MTHFD1L: variants seen among roughly 807,000 people sequenced by gnomAD.
MTHFD1L encodes the protein methylenetetrahydrofolate dehydrogenase (NADP+ dependent) 1 like, also known as monofunctional C1-tetrahydrofolate synthase, mitochondrial.
A neutral mutation model predicts 119.5 loss-of-function variants in MTHFD1L; 81 were observed. That is an observed-to-expected ratio of 0.68 (90% CI 0.57 to 0.82). MTHFD1L has a LOEUF of 0.82. Ranked by LOEUF, MTHFD1L falls within the 40% of genes least tolerant of loss-of-function variation. The probability of loss-of-function intolerance (pLI) is 0.00; values close to 1 mark genes in which losing one functional copy is unlikely to be tolerated. For synonymous variants in MTHFD1L, 430 were observed against 475.2 expected (o/e 0.90, Z 1.24); for missense variants, 1,125 against 1,253.4 (o/e 0.90, Z 1.55).
chr6:150,907,107 G>A (rs986064404), intron 8 of MTHFD1L, among the ~76,000 whole-genome samples: 3 of 149,818 alleles, frequency 2.0e-5, no homozygotes, highest in Non-Finnish European at 4.4e-5. Flanking sequence ...TCCAACATTT[G>A]TTTCTTGTAA....
At chr6:151,087,248 CAAAA>C (rs1433835796) in intron 26 of MTHFD1L, among the ~76,000 whole-genome samples, 1 of 123,142 alleles carries the variant, frequency 8.1e-6, no homozygotes, top group Admixed American at 8.7e-5. Flanking sequence ...GAGGCCATCT[CAAAA>C]ATAAATAAAT....
chr6:150,987,927 G>A (rs539859112), intron 20 of MTHFD1L, among the ~76,000 whole-genome samples: 5 of 152,148 alleles, frequency 3.3e-5, no homozygotes, highest in South Asian at 2.1e-4. Context: ...AAGGTAAAAC[G>A]TTTTGGAAGG....
chr6:151,020,505 C>G (rs1424919807), intron 24 of MTHFD1L, among the ~76,000 whole-genome samples: 1 of 151,936 alleles, frequency 6.6e-6, no homozygotes, highest in Non-Finnish European at 1.5e-5. Flanking sequence ...TCTCTTTTTG[C>G]CAGAGTAACT....
Position 150,944,566 on chromosome 6 carries a change from T to G in MTHFD1L, c.1521T>G (p.Ile507Met). 1 of 1,613,994 alleles carries G rather than the reference T, an allele frequency of 6.2e-7. No individual in the cohort carries two copies. Among genetic ancestry groups the G allele is most frequent in the Non-Finnish European group, 8.5e-7 (1 of 1,179,970 alleles). The part of the protein sequence containing the change: ...NLLAAAIDTR[I>M]LHENTQTDKA... ...TGGCTGCCGCCATCGACACGAGGAT[T>G]CTTCATGAAAACACGCAAACAGATA... The change falls in exon 14 of 28, where the codon ATT becomes ATG. Residue 507 changes from isoleucine to methionine, a missense_variant. By Grantham distance (10) the Ile-to-Met change is conservative (BLOSUM62 1). Around this residue, in one of 3 missense-constraint regions of MTHFD1L, gnomAD observed 1,058 missense variants for 1,151.2 expected, o/e 0.92. Transcript: ENST00000367321.
At chr6:150,887,416 T>TA (rs1259126271) in intron 6 of MTHFD1L, among the ~76,000 whole-genome samples, 2 of 152,188 alleles carry the variant, frequency 1.3e-5, no homozygotes, top group African/African-American at 4.8e-5. Context: ...TCCTAGTTCC[T>TA]AGTCATTGTA....
At chr6:150,914,939 AT>A (rs1787600475) in intron 8 of MTHFD1L, among the ~76,000 whole-genome samples, 1 of 152,070 alleles carries the variant, frequency 6.6e-6, no homozygotes, top group East Asian at 1.9e-4. Context: ...CTCAAATGTC[AT>A]TCATGGTACC....
In MTHFD1L at chr6:150,877,595, G is replaced by T. The variant is rs201552244; in HGVS notation, c.313-39G>T. 8.7e-6 allele frequency: 14 copies of T among 1,608,302 alleles called. No homozygotes were observed. In the African/African-American group the frequency reaches 1.6e-4, roughly 18 times the overall value. ...TGGATTATCTTTTGTGCCTTTTCAA[G>T]CTATTTTTATGTTGTTATGTTGTTT... On this transcript the variant is annotated intron_variant, in intron 2 of 27. Coordinates refer to ENST00000367321, the MANE Select transcript of MTHFD1L (RefSeq NM_015440.5).
intron 21 of MTHFD1L, 56 bp from the exon 22 acceptor site, chr6:151,013,723 C>T (rs1278971569): frequency 2.0e-5 from 28 of 1,430,168 alleles, no homozygotes; most frequent in Admixed American, 5.2e-5. Context: ...TCTTTCAGAT[C>T]GGTTGTGTAA....
chr6:150,893,576 C>T (rs976220672), intron 7 of MTHFD1L, among the ~76,000 whole-genome samples: 2 of 152,174 alleles, frequency 1.3e-5, no homozygotes, highest in African/African-American at 2.4e-5. Context: ...ACAAGACCCC[C>T]CCATCCCCTC....
At chr6:150,935,252 A>G (rs891723678) in intron 11 of MTHFD1L, 90 of 1,611,840 alleles carry the variant, frequency 5.6e-5, no homozygotes, top group Non-Finnish European at 1.0e-5. Flanking sequence ...CACAGATGGC[A>G]TTGTATTTGT....
Position 150,969,747 on chromosome 6 carries a change from C to T in MTHFD1L, c.2014-2200C>T, listed in dbSNP as rs562203914. The stretch of plus-strand genomic sequence containing the variant: ...TTTGTAGGAAGCAAACAAAGCTTTC[C>T]ATAGAGAAACCACTTCCACCAGATG... On this transcript the variant is annotated intron_variant, in intron 19 of 27. Transcript: ENST00000367321. 5.3e-5 allele frequency among the ~76,000 whole-genome samples: 8 copies of T among 152,250 alleles called. No individual in the cohort carries two copies. In the South Asian group the frequency reaches 1.0e-3, roughly 20 times the overall value.
At chr6:150,930,462 A>C (rs1790846966) in intron 11 of MTHFD1L, among the ~76,000 whole-genome samples, 1 of 152,158 alleles carries the variant, frequency 6.6e-6, no homozygotes, top group African/African-American at 2.4e-5. Context: ...TTTTTCTAAA[A>C]GTCTTTTCTA....
chr6:150,930,137 G>C (rs1441741440), intron 11 of MTHFD1L, among the ~76,000 whole-genome samples: 1 of 150,230 alleles, frequency 6.7e-6, no homozygotes, highest in Admixed American at 6.7e-5. Context: ...TGGCATGACG[G>C]GTTGTGCCTA....
intron 7 of MTHFD1L, among the ~76,000 whole-genome samples, chr6:150,896,819 G>C (rs925253062): frequency 5.3e-5 from 8 of 151,982 alleles, no homozygotes; most frequent in Non-Finnish European, 1.0e-4. Context: ...GACCAAGAAG[G>C]GGCTGTGTGG....
chr6:151,026,558 T>C lies in MTHFD1L; in HGVS notation c.2587-7935T>C, dbSNP rs144972365. Among the ~76,000 whole-genome samples the C allele has an allele frequency of 3.4e-3, 515 of 152,316 alleles. 2 individuals carry two copies. Among genetic ancestry groups the C allele is most frequent in the African/African-American group, 0.012 (497 of 41,572 alleles). ...TTCTGAAATACATGTTTAAGAAGTT[T>C]GGAAAGGAATTAGTGTAGAGTATGA... On this transcript the variant is annotated intron_variant, in intron 24 of 27. Coordinates refer to ENST00000367321, the MANE Select transcript of MTHFD1L (RefSeq NM_015440.5).
At chr6:151,045,782 C>A (rs1205548927) in intron 26 of MTHFD1L, among the ~76,000 whole-genome samples, 4 of 152,188 alleles carry the variant, frequency 2.6e-5, no homozygotes, top group Non-Finnish European at 5.9e-5. Context: ...ATATGCATTT[C>A]CCTGGCCCAG....
At chr6:150,873,979 T>A (rs913811240) in intron 1 of MTHFD1L, among the ~76,000 whole-genome samples, 1 of 152,094 alleles carries the variant, frequency 6.6e-6, no homozygotes, top group African/African-American at 2.4e-5. Flanking sequence ...CCTGGAACCT[T>A]TACTTTTACC....
intron 9 of MTHFD1L, among the ~76,000 whole-genome samples, chr6:150,921,990 G>A (rs181320596): frequency 2.0e-5 from 3 of 152,310 alleles, no homozygotes; most frequent in East Asian, 1.9e-4. Context: ...TTGAATAGTT[G>A]TATATCTAAC....
chr6:150,898,415 C>T (rs916680722), intron 7 of MTHFD1L, among the ~76,000 whole-genome samples: 2 of 152,124 alleles, frequency 1.3e-5, no homozygotes, highest in Admixed American at 6.5e-5. Flanking sequence ...AAGGAGGCAG[C>T]GGAAGCCTGG....
Sources: allele counts gnomAD v4.1 joint callset (sites outside exome capture counted in the v4.1 genomes callset), GRCh38; gene constraint gnomAD v4.1.1; regional missense constraint gnomAD v4.1.1; transcripts MANE v1.5; gene names NCBI Gene and HGNC (gene_info 2026-07-23, HGNC 2026-07-21).